PLXNC1: variants seen among roughly 807,000 people sequenced by gnomAD.
The protein encoded by PLXNC1 is plexin C1.
A neutral mutation model predicts 178.2 loss-of-function variants in PLXNC1; 75 were observed. The ratio of observed to expected loss-of-function variants is 0.42; its 90% CI spans 0.35 to 0.51. The LOEUF is 0.51. PLXNC1 is among the 20% of genes least tolerant of loss of function. The pLI is 0.02. For synonymous variants in PLXNC1, 790 were observed against 779.9 expected, an observed-to-expected ratio of 1.01 and a Z score of -0.22; for missense variants, 1,503 against 1,984.4, an observed-to-expected ratio of 0.76 and a Z score of 4.61.
intron 23 of PLXNC1, 40 bp downstream of exon 23, chr12:94,282,441 C>T: frequency 7.8e-7 from 1 of 1,279,134 alleles, no homozygotes; most frequent in Non-Finnish European, 1.1e-6. Context: ...TTCCTCATCC[C>T]CAATCCTAGT....
chr12:94,263,199 C>T (rs928796327), intron 20 of PLXNC1, among the ~76,000 whole-genome samples: 5 of 152,056 alleles, frequency 3.3e-5, no homozygotes, highest in South Asian at 2.1e-4. Context: ...CCTCCCCCAC[C>T]GCCTCCCCGC....
At chr12:94,232,565 C>T (rs1051076349) in intron 9 of PLXNC1, among the ~76,000 whole-genome samples, 9 of 152,174 alleles carry the variant, frequency 5.9e-5, no homozygotes, top group African/African-American at 2.2e-4. Flanking sequence ...TTCATTTATT[C>T]ATTCATTCAA....
chr12:94,301,583 G>A (rs550785015), intron 28 of PLXNC1, among the ~76,000 whole-genome samples: 2 of 152,164 alleles, frequency 1.3e-5, no homozygotes, highest in African/African-American at 4.8e-5. Flanking sequence ...ACAAAAATCA[G>A]AGCAAACTTC....
chr12:94,284,253 G>A (rs902113304), intron 23 of PLXNC1, among the ~76,000 whole-genome samples: 1 of 152,168 alleles, frequency 6.6e-6, no homozygotes, highest in Non-Finnish European at 1.5e-5. Context: ...TGGCTAATTT[G>A]TTAGTCCTAT....
chr12:94,257,838 C>G (rs1164235400), intron 17 of PLXNC1, among the ~76,000 whole-genome samples: 1 of 151,982 alleles, frequency 6.6e-6, no homozygotes, highest in Non-Finnish European at 1.5e-5. Flanking sequence ...ACCTGGGAGG[C>G]GGAGCTTGCA....
At chr12:94,241,038 CT>C (rs1329675315) in intron 11 of PLXNC1, among the ~76,000 whole-genome samples, 1 of 152,060 alleles carries the variant, frequency 6.6e-6, no homozygotes, top group African/African-American at 2.4e-5. Context: ...GTTTTGAATT[CT>C]TTGGGGGAAA....
In PLXNC1 at chr12:94,149,302, C is replaced by T. The variant is rs761481808; in HGVS notation, c.331C>T (p.Pro111Ser). ...PGSSFSKLLL[P>S]YREGAAGLGG... ...GAGCAGCTTCAGCAAGCTGCTGCTGCCCTACCGCGAGGGGGCGGCCGGCCT... is the reference window on the plus strand; with the variant it reads ...GAGCAGCTTCAGCAAGCTGCTGCTGTCCTACCGCGAGGGGGCGGCCGGCCT... The change falls in exon 1 of 31, where the codon CCC becomes TCC. Residue 111 changes from proline to serine, a missense_variant. Physicochemically the swap from Pro to Ser is moderately conservative, Grantham distance 74. This residue lies in a region of PLXNC1 where 176 missense variants were observed against 180.7 expected (regional missense o/e 0.97). Transcript: ENST00000258526. The T allele has an allele frequency of 4.2e-5, 62 of 1,473,822 alleles. 1 individual carries two copies. The highest frequency in any genetic ancestry group is 5.2e-5 in the Non-Finnish European group (58 of 1,122,644). The allele number at this position is 1,473,822 out of a possible 1,614,324, so 91.3% of individuals were successfully genotyped here. A position where few individuals can be genotyped will look rare whatever the true frequency, so the allele number is the denominator to read the frequency against.
intron 4 of PLXNC1, among the ~76,000 whole-genome samples, chr12:94,206,099 G>T (rs1168084010): frequency 1.3e-5 from 2 of 152,166 alleles, no homozygotes; most frequent in African/African-American, 4.8e-5. Flanking sequence ...CTGTGGTGGG[G>T]TAATTATTCA....
intron 1 of PLXNC1, among the ~76,000 whole-genome samples, chr12:94,159,231 A>G (rs1410141706): frequency 6.6e-6 from 1 of 152,242 alleles, no homozygotes; most frequent in Non-Finnish European, 1.5e-5. Flanking sequence ...CCTACTGTAT[A>G]TCATTATTCT....
intron 5 of PLXNC1, among the ~76,000 whole-genome samples, chr12:94,214,034 T>G (rs1293888914): frequency 6.6e-6 from 1 of 152,008 alleles, no homozygotes; most frequent in Non-Finnish European, 1.5e-5. Flanking sequence ...GCCCGGCTAA[T>G]TGGAATAAAA....
At chr12:94,220,380 C>G (rs1963760998) in intron 6 of PLXNC1, among the ~76,000 whole-genome samples, 1 of 152,106 alleles carries the variant, frequency 6.6e-6, no homozygotes, top group Non-Finnish European at 1.5e-5. Context: ...TGGACAATGA[C>G]AAGAGAAGGG....
rs1483653971 is a variant in PLXNC1 at position 94,149,830 on chromosome 12, C to T, written c.859C>T (p.His287Tyr). ...GGCATCCCTCGACTGCGGCCACGGC[C>T]ACCCCGACGGCCGCCGCCTGCTCCT... is the stretch of plus-strand genomic sequence containing the variant. Reference protein sequence around the residue: ...GQASLDCGHGHPDGRRLLLSS... With the variant: ...GQASLDCGHGYPDGRRLLLSS... Residue 287 changes from histidine to tyrosine, a missense_variant, in exon 1 of 31, where the codon CAC (histidine) becomes TAC (tyrosine). His to Tyr is a moderately conservative substitution (Grantham distance 83). Around this residue, in one of 4 missense-constraint regions of PLXNC1, gnomAD observed 615 missense variants for 698.6 expected, o/e 0.88. Coordinates refer to ENST00000258526, the MANE Select transcript of PLXNC1 (RefSeq NM_005761.3). 1.3e-6 allele frequency: 2 copies of T among 1,594,490 alleles called. No individual in the cohort carries two copies. The highest frequency in any genetic ancestry group is 1.7e-6 in the Non-Finnish European group (2 of 1,171,914).
intron 15 of PLXNC1, chr12:94,254,356 C>T (rs1964782414): frequency 5.4e-6 from 2 of 367,258 alleles, no homozygotes; most frequent in Admixed American, 3.6e-5. Flanking sequence ...ATCTGCGGTT[C>T]CTTTCTACGT....
intron 22 of PLXNC1, 76 bp downstream of exon 22, chr12:94,279,725 C>A (rs1321475354): frequency 1.5e-5 from 18 of 1,223,762 alleles, no homozygotes; most frequent in Non-Finnish European, 2.1e-5. Context: ...TCCCTGTCCC[C>A]CCTCCCTGCC....
intron 4 of PLXNC1, among the ~76,000 whole-genome samples, chr12:94,195,567 C>T (rs1193160868): frequency 6.6e-6 from 1 of 152,144 alleles, no homozygotes; most frequent in Non-Finnish European, 1.5e-5. Flanking sequence ...GAGGCAAGGC[C>T]CCCAGGCATG....
chr12:94,228,284 C>T (rs1189641681), intron 9 of PLXNC1, among the ~76,000 whole-genome samples: 1 of 152,184 alleles, frequency 6.6e-6, no homozygotes, highest in Non-Finnish European at 1.5e-5. Flanking sequence ...CTCCTTTTCT[C>T]ATCCCATTGG....
rs764351837 is a variant in PLXNC1, at chr12:94,260,783, C to T, written c.3393C>T (p.Ser1131=). 23 of 1,614,190 alleles carry T rather than the reference C, an allele frequency of 1.4e-5. No individual in the cohort carries two copies. Among genetic ancestry groups the T allele is most frequent in the Non-Finnish European group, 1.9e-5 (23 of 1,180,026 alleles). ...QPKLMLRRTE[S]VVEKLLTNWM... is the part of the protein sequence containing the mutation. ...AACTCATGCTGAGACGCACGGAGTCCGTCGTCGAAAAACTCCTCACAAACT... is the reference window on the plus strand; with the variant it reads ...AACTCATGCTGAGACGCACGGAGTCTGTCGTCGAAAAACTCCTCACAAACT... Residue 1131 remains serine (S), a synonymous_variant, in exon 20 of 31, where the codon TCC becomes TCT. Coordinates refer to ENST00000258526, the MANE Select transcript of PLXNC1 (RefSeq NM_005761.3). This position sits in a 1 kb window ranked among gnomAD's most constrained non-coding sequence, Gnocchi z 4.4.
chr12:94,262,582 A>G, intron 20 of PLXNC1: 4 of 985,456 alleles, frequency 4.1e-6, no homozygotes, highest in Non-Finnish European at 3.6e-6. Context: ...TCGGCTCGCC[A>G]GGAGGAAGTG....
intron 12 of PLXNC1, among the ~76,000 whole-genome samples, chr12:94,247,013 CCTT>C (rs749715674): frequency 1.5e-4 from 23 of 152,212 alleles, no homozygotes; most frequent in Non-Finnish European, 2.6e-4. Context: ...CTCTGCCTGT[CCTT>C]CTGTACACCT....
Sources: allele counts gnomAD v4.1 joint callset (sites outside exome capture counted in the v4.1 genomes callset), GRCh38; gene constraint gnomAD v4.1.1; regional missense constraint gnomAD v4.1.1; non-coding constraint Gnocchi (gnomAD v3.1); transcripts MANE v1.5; gene names NCBI Gene and HGNC (gene_info 2026-07-23, HGNC 2026-07-21).